BICC1: variants seen among roughly 807,000 people sequenced by gnomAD.
The protein encoded by BICC1 is BicC family RNA binding protein 1.
BICC1 carries 43 observed loss-of-function variants against 111.0 expected under a neutral mutation model. The ratio of observed to expected loss-of-function variants is 0.39; its 90% CI spans 0.30 to 0.50. The LOEUF is 0.50. Ranked by LOEUF, BICC1 falls within the 20% of genes least tolerant of loss-of-function variation. The probability of loss-of-function intolerance (pLI) is 0.88; values close to 1 mark genes in which losing one functional copy is unlikely to be tolerated. For synonymous variants in BICC1, 467 were observed against 434.4 expected (o/e 1.07, Z -0.93); for missense variants, 1,091 against 1,203.2 (o/e 0.91, Z 1.38).
chr10:58,669,872 A>C (rs888932565), intron 2 of BICC1, among the ~76,000 whole-genome samples: 1 of 152,138 alleles, frequency 6.6e-6, no homozygotes, highest in Admixed American at 6.6e-5. Context: ...TAATGATTTC[A>C]AACGGCATTA....
At chr10:58,610,755 A>G (rs1845392211) in intron 1 of BICC1, among the ~76,000 whole-genome samples, 1 of 152,074 alleles carries the variant, frequency 6.6e-6, no homozygotes. Flanking sequence ...GTATGCATAT[A>G]CATTTTTCTT....
At chr10:58,517,228 ATTGAC>A (rs1842265881) in intron 1 of BICC1, among the ~76,000 whole-genome samples, 1 of 152,026 alleles carries the variant, frequency 6.6e-6, no homozygotes, top group Admixed American at 6.6e-5. Context: ...ATGAAAGGAG[ATTGAC>A]ATCTGGTGGG....
chr10:58,790,002 C>A, intron 8 of BICC1, 69 bp downstream of exon 8: 2 of 1,533,140 alleles, frequency 1.3e-6, no homozygotes, highest in South Asian at 1.2e-5. Context: ...TTTTTCCATC[C>A]ACTGTACTAA....
At chr10:58,669,974 G>C (rs1839132662) in intron 2 of BICC1, among the ~76,000 whole-genome samples, 1 of 152,124 alleles carries the variant, frequency 6.6e-6, no homozygotes, top group South Asian at 2.1e-4. Flanking sequence ...AAAGGAAGAA[G>C]AATGTGCTCT....
At chr10:58,567,669 G>T (rs1281841644) in intron 1 of BICC1, among the ~76,000 whole-genome samples, 1 of 151,976 alleles carries the variant, frequency 6.6e-6, no homozygotes, top group African/African-American at 2.4e-5. Context: ...TGCTGTGCCT[G>T]TAATTGCATA....
intron 1 of BICC1, among the ~76,000 whole-genome samples, chr10:58,583,480 A>T (rs1340845535): frequency 6.6e-6 from 1 of 150,890 alleles, no homozygotes; most frequent in Non-Finnish European, 1.5e-5. Context: ...GTTTTTTTCC[A>T]TTCTTGAGTT....
chr10:58,708,712 A>C (rs1016527543), intron 3 of BICC1, among the ~76,000 whole-genome samples: 1 of 1,348 alleles, frequency 7.4e-4, no homozygotes, highest in Non-Finnish European at 2.9e-3. Flanking sequence ...GGCCTGTGCC[A>C]TGTTGCCTGC....
intron 2 of BICC1, among the ~76,000 whole-genome samples, chr10:58,692,967 C>T (rs866726954): frequency 7.2e-5 from 11 of 151,740 alleles, no homozygotes; most frequent in South Asian, 4.2e-4. Flanking sequence ...CCCATTAGCT[C>T]GTCATTTAGC....
At chr10:58,709,181 T>G (rs1564567467) in intron 3 of BICC1, among the ~76,000 whole-genome samples, 2 of 152,212 alleles carry the variant, frequency 1.3e-5, no homozygotes, top group African/African-American at 4.8e-5. Context: ...CTTACCTTTG[T>G]AACTGTTAAC....
intron 17 of BICC1, among the ~76,000 whole-genome samples, chr10:58,807,943 C>CA (rs1463057710): frequency 1.3e-5 from 2 of 151,878 alleles, no homozygotes; most frequent in Admixed American, 6.6e-5. Context: ...CACTGTAGGC[C>CA]AAAAAACAAA....
chr10:58,743,112 G>A (rs372209564), intron 3 of BICC1, among the ~76,000 whole-genome samples: 5 of 152,114 alleles, frequency 3.3e-5, no homozygotes, highest in African/African-American at 9.7e-5. Context: ...AAAGGCATTC[G>A]GGTGGTGGTG....
intron 3 of BICC1, chr10:58,716,021 G>A: frequency 7.1e-7 from 1 of 1,415,162 alleles, no homozygotes; most frequent in South Asian, 1.2e-5. Context: ...AGTAAGGATA[G>A]TTTAAAAAAG....
chr10:58,728,656 A>G (rs1841188437), intron 3 of BICC1, among the ~76,000 whole-genome samples: 1 of 152,126 alleles, frequency 6.6e-6, no homozygotes, highest in African/African-American at 2.4e-5. Flanking sequence ...GCCGCAATCC[A>G]TCAGAGGAAT....
At chr10:58,609,556 T>C (rs1242608138) in intron 1 of BICC1, among the ~76,000 whole-genome samples, 1 of 152,262 alleles carries the variant, frequency 6.6e-6, no homozygotes, top group Non-Finnish European at 1.5e-5. Flanking sequence ...TATATTTCTT[T>C]GTTTAACCCA....
At chr10:58,797,898 T>C (rs1473331355) in intron 10 of BICC1, among the ~76,000 whole-genome samples, 1 of 152,180 alleles carries the variant, frequency 6.6e-6, no homozygotes, top group Non-Finnish European at 1.5e-5. Context: ...TGTATATGTT[T>C]TGAGATACAT....
chr10:58,644,727 C>T (rs1838217863), intron 2 of BICC1, among the ~76,000 whole-genome samples: 1 of 152,012 alleles, frequency 6.6e-6, no homozygotes, highest in African/African-American at 2.4e-5. Flanking sequence ...TCAGGAAGGG[C>T]AAGCTTATAA....
intron 2 of BICC1, chr10:58,650,906 A>T (rs1317327603): frequency 6.6e-6 from 1 of 152,118 alleles, no homozygotes; most frequent in East Asian, 1.9e-4. Context: ...GAGAAGGTGA[A>T]ACCAACTGCA....
intron 1 of BICC1, among the ~76,000 whole-genome samples, chr10:58,545,845 C>G (rs946930814): frequency 6.6e-6 from 1 of 152,112 alleles, no homozygotes; most frequent in African/African-American, 2.4e-5. Flanking sequence ...CTGAACAACC[C>G]AAACTCCTGA....
At chr10:58,763,264 T>C (rs905598764) in intron 3 of BICC1, among the ~76,000 whole-genome samples, 46 of 152,176 alleles carry the variant, frequency 3.0e-4, no homozygotes, top group African/African-American at 1.1e-3. Flanking sequence ...ATTATTAATA[T>C]ATATTTTTTC....
Sources: gnomAD v4.1 joint callset for allele counts (sites outside exome capture counted in the v4.1 genomes callset) on GRCh38, gnomAD v4.1.1 for gene constraint, MANE v1.5 for transcripts, NCBI Gene and HGNC (gene_info 2026-07-23, HGNC 2026-07-21) for gene names.